The following CHRDL1 variants were observed in gnomAD, a reference collection of about 807,000 sequenced individuals.
The protein encoded by CHRDL1 is chordin like 1.
A neutral mutation model predicts 40.9 loss-of-function variants in CHRDL1; 19 were observed. The observed-to-expected ratio is 0.46, with a 90% CI of 0.32 to 0.68. CHRDL1 has a LOEUF of 0.68. Ranked by LOEUF, CHRDL1 falls within the 30% of genes least tolerant of loss-of-function variation. The pLI is 0.03. For missense variants in CHRDL1, 329 were observed against 352.1 expected (o/e 0.93, Z 0.53); for synonymous variants, 136 against 123.4 (o/e 1.10, Z -0.68).
intron 6 of CHRDL1, among the ~76,000 whole-genome samples, chrX:110,716,315 G>C (rs1010254451): frequency 6.4e-5 from 7 of 109,599 alleles, no homozygotes; most frequent in Non-Finnish European, 1.9e-5. Flanking sequence ...TTCAAATCCT[G>C]ACTAAATTTC....
chrX:110,690,670 T>C (rs2070257529), intron 8 of CHRDL1, among the ~76,000 whole-genome samples: 1 of 110,809 alleles, frequency 9.0e-6, no homozygotes, highest in African/African-American at 3.3e-5. Context: ...CACTGTTTGG[T>C]GTAGGAAGGA....
intron 6 of CHRDL1, among the ~76,000 whole-genome samples, chrX:110,713,097 G>A (rs761596354): frequency 9.0e-6 from 1 of 111,245 alleles, no homozygotes; most frequent in East Asian, 2.8e-4. Context: ...AAGGAGGGAT[G>A]TGGTGCGAGT....
chrX:110,768,231 T>A (rs73528278), intron 2 of CHRDL1, among the ~76,000 whole-genome samples: 2,780 of 112,242 alleles, frequency 0.025, 86 homozygotes, highest in African/African-American at 0.085. Context: ...CTCAATCATT[T>A]AACAAATATT....
At chrX:110,696,915 A>C (rs778747319) in intron 7 of CHRDL1, among the ~76,000 whole-genome samples, 1 of 110,763 alleles carries the variant, frequency 9.0e-6, no homozygotes, top group Non-Finnish European at 1.9e-5. Context: ...TTTAAGGGTA[A>C]TGGTTCTTTT....
At chrX:110,759,278 C>T (rs1321745641) in intron 4 of CHRDL1, among the ~76,000 whole-genome samples, 1 of 112,043 alleles carries the variant, frequency 8.9e-6, no homozygotes, top group Non-Finnish European at 1.9e-5. Context: ...AGAAGCTATG[C>T]TCGGATGCAA....
At chrX:110,689,468 CTA>C (rs1473375711) in intron 8 of CHRDL1, among the ~76,000 whole-genome samples, 1 of 49,054 alleles carries the variant, frequency 2.0e-5, no homozygotes, top group African/African-American at 3.1e-4. Context: ...CTATATATAT[CTA>C]TATATCTATA....
intron 2 of CHRDL1, 84 bp downstream of exon 2, chrX:110,792,004 C>T (rs2090110342): frequency 6.9e-6 from 4 of 578,547 alleles, no homozygotes; most frequent in Non-Finnish European, 1.1e-5. Flanking sequence ...CACATTTGGG[C>T]TAAATCATAA....
chrX:110,715,963 G>T lies in CHRDL1; in HGVS notation c.541+3872C>A, dbSNP rs542570058. Among the ~76,000 whole-genome samples the T allele has an allele frequency of 1.4e-4, 16 of 112,501 alleles. No homozygotes were observed. In the South Asian group the frequency reaches 5.9e-3, roughly 41 times the overall value. Reference sequence around the variant, plus strand: ...GTACAGACATATACACACACACATTGTGAGAAACATGTATGGAAAGATCCA... The same window carrying T: ...GTACAGACATATACACACACACATTTTGAGAAACATGTATGGAAAGATCCA... On this transcript the variant is annotated intron_variant, in intron 6 of 11. Transcript: ENST00000372042.
intron 5 of CHRDL1, 97 bp downstream of exon 5, chrX:110,721,288 A>T (rs979401973): frequency 9.6e-6 from 8 of 834,785 alleles, no homozygotes; most frequent in Non-Finnish European, 1.1e-5. Context: ...TTTTATTCAA[A>T]CACCTTACAG....
chrX:110,699,021 A>G (rs1002695029), intron 7 of CHRDL1, among the ~76,000 whole-genome samples: 1 of 112,118 alleles, frequency 8.9e-6, no homozygotes, highest in South Asian at 3.7e-4. Flanking sequence ...TAAAGCAGAT[A>G]GAGTTGGGTG....
intron 4 of CHRDL1, among the ~76,000 whole-genome samples, chrX:110,734,942 T>C (rs1469889884): frequency 1.8e-5 from 2 of 112,315 alleles, no homozygotes; most frequent in South Asian, 3.7e-4. Context: ...GGTAATGTTG[T>C]CACTCACTGC....
intron 8 of CHRDL1, among the ~76,000 whole-genome samples, chrX:110,693,533 AT>A (rs11334828): frequency 0.44 from 47,425 of 107,546 alleles, 8,701 homozygotes; most frequent in African/African-American, 0.64. Context: ...TTTTCATTAA[AT>A]TTTTTTTTGT....
At chrX:110,683,873 G>A (rs1404805133) in intron 9 of CHRDL1, among the ~76,000 whole-genome samples, 1 of 111,818 alleles carries the variant, frequency 8.9e-6, no homozygotes. Context: ...ATGTTTGCAA[G>A]TGGTTGCAGT....
At chrX:110,682,574 C>A (rs1242463636) in intron 9 of CHRDL1, among the ~76,000 whole-genome samples, 1 of 112,453 alleles carries the variant, frequency 8.9e-6, no homozygotes, top group African/African-American at 3.2e-5. Flanking sequence ...ACAACAGAAG[C>A]CATCTGTAAG....
Position 110,746,892 on chromosome X carries a change from C to A in CHRDL1, c.301+12769G>T, listed in dbSNP as rs369089174. ...AATTTCCCATATCAACTTTCTTGTT[C>A]ACTGTCAATGCAAACTTTAAGAGAA... On this transcript the variant is annotated intron_variant, in intron 4 of 11. Transcript: ENST00000372042. Among the ~76,000 whole-genome samples the A allele has an allele frequency of 1.9e-3, 208 of 111,741 alleles. 2 individuals are homozygous for A. Among genetic ancestry groups the A allele is most frequent in the African/African-American group, 6.6e-3 (202 of 30,746 alleles).
intron 4 of CHRDL1, among the ~76,000 whole-genome samples, chrX:110,744,987 AC>A (rs1569477553): frequency 0.083 from 9,055 of 109,320 alleles, 972 homozygotes; most frequent in African/African-American, 0.29. Flanking sequence ...ACACACACAC[AC>A]ACACACATAC....
chrX:110,697,810 C>A (rs1321700915), intron 7 of CHRDL1, among the ~76,000 whole-genome samples: 2 of 84,738 alleles, frequency 2.4e-5, no homozygotes, highest in African/African-American at 8.3e-5. Context: ...CATACCACAC[C>A]ACTCCACACA....
Position 110,676,295 on chromosome X carries a change from C to G in CHRDL1, c.1313G>C (p.Arg438Thr), listed in dbSNP as rs1239881214. ...CTTGACTAAATCTTCAAGCTCTGTTCTGCATACACGACTTGAACACATCTG... is the reference window on the plus strand; with the variant it reads ...CTTGACTAAATCTTCAAGCTCTGTTGTGCATACACGACTTGAACACATCTG... The part of the protein sequence containing the change: ...ISQMCSSRVC[R>T]TELEDLVKVL... Residue 438 changes from arginine (R) to threonine (T), a missense_variant, in exon 12 of 12, where the codon AGA (arginine) becomes ACA (threonine). Physicochemically the swap from Arg to Thr is moderately conservative, Grantham distance 71. Coordinates refer to ENST00000372042, the MANE Select transcript of CHRDL1 (RefSeq NM_001143981.2). The G allele has an allele frequency of 1.7e-6, 2 of 1,206,333 alleles. No homozygotes were observed. The highest frequency in any genetic ancestry group is 2.2e-6 in the Non-Finnish European group (2 of 891,949).
Position 110,721,392 on chromosome X carries a change from C to G in CHRDL1, c.440G>C (p.Ser147Thr), listed in dbSNP as rs1569471861. Reference protein sequence around the residue: ...NRQPNQCTQCSCSEGNVYCGL... With the variant: ...NRQPNQCTQCTCSEGNVYCGL... ...TAAGATGTAGGGTCTTACCGAACAG[C>G]TGCACTGGGTGCATTGATTGGGTTG... The change falls in exon 5 of 12, where the codon AGC (serine) becomes ACC (threonine). Residue 147 changes from serine to threonine, a missense_variant. Ser to Thr is a moderately conservative substitution (Grantham distance 58). Coordinates refer to ENST00000372042, the MANE Select transcript of CHRDL1 (RefSeq NM_001143981.2). The G allele has an allele frequency of 8.3e-7, 1 of 1,210,551 alleles. No homozygotes were observed. Among genetic ancestry groups the G allele is most frequent in the Non-Finnish European group, 1.1e-6 (1 of 894,107 alleles).
Sources: allele counts gnomAD v4.1 joint callset (sites outside exome capture counted in the v4.1 genomes callset), GRCh38; gene constraint gnomAD v4.1.1; transcripts MANE v1.5; gene names NCBI Gene and HGNC (gene_info 2026-07-23, HGNC 2026-07-21).